The following GRM7 variants were observed in gnomAD, a reference collection of about 807,000 sequenced individuals.
GRM7 encodes the protein glutamate metabotropic receptor 7.
Under a neutral mutation model 84.5 loss-of-function variants are expected in GRM7, and 35 were observed. That is an observed-to-expected ratio of 0.41 (90% confidence interval 0.32 to 0.55). The LOEUF (loss-of-function observed/expected upper bound fraction) is 0.55. Ranked by LOEUF, GRM7 falls within the 20% of genes least tolerant of loss-of-function variation. GRM7 has a pLI of 0.19. For synonymous variants in GRM7, 487 were observed against 455.1 expected, an observed-to-expected ratio of 1.07 and a Z score of -0.89; for missense variants, 1,003 against 1,194.6, an observed-to-expected ratio of 0.84 and a Z score of 2.36.
intron 7 of GRM7, among the ~76,000 whole-genome samples, chr3:7,547,237 C>T (rs554750829): frequency 1.6e-5 from 2 of 122,292 alleles, no homozygotes; most frequent in African/African-American, 3.1e-5. Context: ...GACGGAGTCT[C>T]ACTCTGTCGC....
chr3:7,604,061 G>T (rs116740850), intron 8 of GRM7, among the ~76,000 whole-genome samples: 1 of 151,178 alleles, frequency 6.6e-6, no homozygotes, highest in East Asian at 1.9e-4. Context: ...TAAATTAGTC[G>T]CAAGTTACAG....
chr3:7,606,639 T>C (rs1412583245), intron 8 of GRM7, among the ~76,000 whole-genome samples: 3 of 152,136 alleles, frequency 2.0e-5, no homozygotes, highest in Non-Finnish European at 4.4e-5. Flanking sequence ...GTTAAAGCGA[T>C]TCTCCTGCCT....
intron 2 of GRM7, among the ~76,000 whole-genome samples, chr3:7,229,122 ATCT>A (rs1327715385): frequency 2.0e-5 from 3 of 151,984 alleles, no homozygotes; most frequent in East Asian, 3.9e-4. Flanking sequence ...GGGTTACTTA[ATCT>A]TCTTAATGTT....
At chr3:7,258,926 C>A (rs1575091176) in intron 2 of GRM7, among the ~76,000 whole-genome samples, 2 of 152,278 alleles carry the variant, frequency 1.3e-5, no homozygotes, top group South Asian at 4.1e-4. Context: ...GCGTGGAAAA[C>A]CTTAAGGATT....
At chr3:7,522,521 A>G (rs1367809798) in intron 7 of GRM7, among the ~76,000 whole-genome samples, 1 of 151,948 alleles carries the variant, frequency 6.6e-6, no homozygotes, top group African/African-American at 2.4e-5. Flanking sequence ...TTATGCCTTC[A>G]CCCCCTGACA....
intron 9 of GRM7, among the ~76,000 whole-genome samples, chr3:7,695,301 C>G (rs1213038867): frequency 1.3e-5 from 2 of 152,172 alleles, no homozygotes; most frequent in East Asian, 3.9e-4. Flanking sequence ...TGACAACACT[C>G]AATAAGAAGC....
At chr3:7,293,580 TAATTTGGC>T (rs1214581237) in intron 2 of GRM7, among the ~76,000 whole-genome samples, 2 of 152,200 alleles carry the variant, frequency 1.3e-5, no homozygotes, top group Non-Finnish European at 2.9e-5. Context: ...AAGTGTGAAT[TAATTTGGC>T]AATTGCAATA....
intron 1 of GRM7, among the ~76,000 whole-genome samples, chr3:6,986,684 G>A (rs910138547): frequency 6.6e-6 from 1 of 152,100 alleles, no homozygotes; most frequent in African/African-American, 2.4e-5. Flanking sequence ...GCTAACTTCG[G>A]CCTGATCATT....
chr3:7,570,810 G>A (rs1694617584), intron 7 of GRM7, among the ~76,000 whole-genome samples: 1 of 152,222 alleles, frequency 6.6e-6, no homozygotes, highest in Non-Finnish European at 1.5e-5. Context: ...TCTAGCAGAT[G>A]TTCTCCATGA....
At chr3:7,231,696 G>A (rs1448073408) in intron 2 of GRM7, among the ~76,000 whole-genome samples, 2 of 152,178 alleles carry the variant, frequency 1.3e-5, no homozygotes, top group Non-Finnish European at 2.9e-5. Flanking sequence ...CTATGAGATA[G>A]ATAAGATTGC....
intron 8 of GRM7, among the ~76,000 whole-genome samples, chr3:7,674,971 T>G (rs1419439146): frequency 6.6e-6 from 1 of 152,212 alleles, no homozygotes; most frequent in African/African-American, 2.4e-5. Context: ...TAACAGTGAT[T>G]TGCCAAACAT....
At chr3:7,084,131 A>G (rs1464302669) in intron 1 of GRM7, among the ~76,000 whole-genome samples, 1 of 152,176 alleles carries the variant, frequency 6.6e-6, no homozygotes, top group Admixed American at 6.6e-5. Flanking sequence ...GATTTAAAGC[A>G]AATCATTTGG....
At chr3:6,877,801 C>T (rs1028301026) in intron 1 of GRM7, among the ~76,000 whole-genome samples, 8 of 134,252 alleles carry the variant, frequency 6.0e-5, no homozygotes, top group Non-Finnish European at 1.2e-4. Flanking sequence ...CATATACCTA[C>T]ACAGATATCA....
At chr3:6,959,935 T>A (rs1693224838) in intron 1 of GRM7, among the ~76,000 whole-genome samples, 1 of 152,174 alleles carries the variant, frequency 6.6e-6, no homozygotes, top group East Asian at 1.9e-4. Context: ...TCTGAAGGTG[T>A]TTCTTTCTGT....
At position 7,229,745 on chromosome 3, in the gene GRM7, ATATATATATATATATTTT is replaced by A. The variant is rs1559514611; in HGVS notation, c.737-68937_737-68920del. Among the ~76,000 whole-genome samples, 117 of 30,878 alleles carry A rather than the reference ATATATATATATATATTTT, an allele frequency of 3.8e-3. 13 individuals are homozygous for A. The highest frequency in any genetic ancestry group is 0.012 in the Admixed American group (27 of 2,220). 20.3% of individuals were successfully genotyped at this position (30,878 alleles called of 152,430 possible). On this transcript the variant is annotated intron_variant, in intron 2 of 9. Transcript: ENST00000357716. ...CACACACATATATATATATATATATATATATATATATATATTTTTTTTTTTTTTTGGTTGACAGGTGTT... is the reference window on the plus strand; with the variant it reads ...CACACACATATATATATATATATATATTTTTTTTTTTGGTTGACAGGTGTT...
chr3:7,177,781 G>T (rs1017614810), intron 2 of GRM7, among the ~76,000 whole-genome samples: 1 of 152,222 alleles, frequency 6.6e-6, no homozygotes, highest in Admixed American at 6.5e-5. Context: ...TGCTTAGGAC[G>T]AAGAGCAACA....
At chr3:6,878,672 G>A (rs1396162944) in intron 1 of GRM7, among the ~76,000 whole-genome samples, 1 of 152,156 alleles carries the variant, frequency 6.6e-6, no homozygotes, top group Non-Finnish European at 1.5e-5. Flanking sequence ...ATGTGCTGAA[G>A]AATCACATGG....
intron 1 of GRM7, among the ~76,000 whole-genome samples, chr3:6,893,571 T>C (rs1343068789): frequency 6.6e-6 from 1 of 152,108 alleles, no homozygotes; most frequent in Non-Finnish European, 1.5e-5. Flanking sequence ...GCCATTAGTT[T>C]TATAGGTGCT....
chr3:7,252,908 T>C (rs1255833638), intron 2 of GRM7, among the ~76,000 whole-genome samples: 1 of 150,332 alleles, frequency 6.7e-6, no homozygotes, highest in Non-Finnish European at 1.5e-5. Flanking sequence ...GCCAATATGG[T>C]CTTGATTTCT....
Sources: gnomAD v4.1 joint callset for allele counts (sites outside exome capture counted in the v4.1 genomes callset) on GRCh38, gnomAD v4.1.1 for gene constraint, MANE v1.5 for transcripts, NCBI Gene and HGNC (gene_info 2026-07-23, HGNC 2026-07-21) for gene names.